Variants in GALM observed in about 807,000 individuals in gnomAD.
GALM encodes aldose 1-epimerase.
GALM carries 43 observed loss-of-function variants against 37.4 expected under a neutral mutation model. The ratio of observed to expected loss-of-function variants is 1.15; its 90% CI spans 0.90 to 1.48. GALM has a LOEUF of 1.48. GALM is among the 40% of genes most tolerant of loss of function. GALM has a pLI of 0.00. For missense variants in GALM, 456 were observed against 419.1 expected (o/e 1.09, Z -0.77); for synonymous variants, 199 against 170.6 (o/e 1.17, Z -1.30).
chr2:38,705,990 G>A (rs1262257424), intron 4 of GALM, among the ~76,000 whole-genome samples: 1 of 152,000 alleles, frequency 6.6e-6, no homozygotes, highest in Non-Finnish European at 1.5e-5. Context: ...AGGGATTACA[G>A]GCGTGCACCA....
intron 2 of GALM, 65 bp from the exon 3 acceptor site, chr2:38,681,215 A>G (rs757456434): frequency 2.5e-6 from 3 of 1,206,672 alleles, no homozygotes; most frequent in Non-Finnish European, 3.7e-6. Flanking sequence ...GTCTTTAAAT[A>G]TTGAAATATG....
chr2:38,684,274 G>A (rs1665471586), intron 3 of GALM, among the ~76,000 whole-genome samples: 1 of 152,162 alleles, frequency 6.6e-6, no homozygotes, highest in Non-Finnish European at 1.5e-5. Flanking sequence ...CTTTGTCAAA[G>A]AATATAAAAG....
At chr2:38,692,307 A>C (rs138720975) in intron 4 of GALM, among the ~76,000 whole-genome samples, 1 of 152,332 alleles carries the variant, frequency 6.6e-6, no homozygotes, top group East Asian at 1.9e-4. Context: ...ACTTCCTCCA[A>C]AAATGGGTGG....
chr2:38,686,410 C>A (rs370571777), intron 3 of GALM, among the ~76,000 whole-genome samples: 2 of 151,712 alleles, frequency 1.3e-5, no homozygotes, highest in African/African-American at 2.4e-5. Flanking sequence ...GGACTACAGG[C>A]GCCCACCACC....
At position 38,714,018 on chromosome 2, in the gene GALM, TA is replaced by T. The variant is rs549158028; in HGVS notation, c.635-15528del. Among the ~76,000 whole-genome samples, 336 of 149,388 alleles carry T rather than the reference TA, an allele frequency of 2.2e-3. 1 individual carries two copies. The highest frequency in any genetic ancestry group is 7.1e-3 in the African/African-American group (288 of 40,824). Reference sequence around the variant, plus strand: ...TACCTTATTGGTTGTGACAACTAAATAAAAAAAAAATACATATAAAGTGCTT... The same window carrying T: ...TACCTTATTGGTTGTGACAACTAAATAAAAAAAAATACATATAAAGTGCTT... On this transcript the variant is annotated intron_variant, in intron 4 of 6. Coordinates refer to ENST00000272252, the MANE Select transcript of GALM (RefSeq NM_138801.3).
intron 4 of GALM, among the ~76,000 whole-genome samples, chr2:38,712,687 A>G (rs532882044): frequency 4.4e-4 from 67 of 152,266 alleles, no homozygotes; most frequent in Admixed American, 3.7e-3. Flanking sequence ...GAAAGCCTCT[A>G]TGTTCCCACT....
intron 4 of GALM, among the ~76,000 whole-genome samples, chr2:38,717,758 G>A (rs1666298992): frequency 1.3e-5 from 2 of 149,956 alleles, no homozygotes; most frequent in African/African-American, 2.5e-5. Context: ...AAATACCCAA[G>A]ATCAGTGAGT....
At chr2:38,722,030 T>TTCCCCC (rs1666385953) in intron 4 of GALM, among the ~76,000 whole-genome samples, 5 of 41,386 alleles carry the variant, frequency 1.2e-4, no homozygotes, top group Non-Finnish European at 2.1e-4. Context: ...TGCCTTCCCT[T>TTCCCCC]CCCCCCCCCA....
At chr2:38,667,113 T>C (rs999128220) in intron 1 of GALM, among the ~76,000 whole-genome samples, 9 of 152,150 alleles carry the variant, frequency 5.9e-5, no homozygotes, top group African/African-American at 2.2e-4. Flanking sequence ...AGAATGACAA[T>C]TGCAGCTTGA....
intron 1 of GALM, among the ~76,000 whole-genome samples, chr2:38,673,020 C>G (rs999942965): frequency 6.6e-6 from 1 of 152,032 alleles, no homozygotes; most frequent in East Asian, 1.9e-4. Flanking sequence ...AAAAAAAACA[C>G]AACACTCAGT....
chr2:38,698,289 C>T (rs562550036), intron 4 of GALM: 17 of 618,866 alleles, frequency 2.7e-5, no homozygotes, highest in South Asian at 8.2e-5. Flanking sequence ...GATGAAATTC[C>T]GGCACTTAGG....
In GALM at chr2:38,689,809, C is replaced by T; in HGVS notation, c.553-4C>T. 6.3e-7 allele frequency: 1 copy of T among 1,580,706 alleles called. No individual in the cohort carries two copies. The highest frequency in any genetic ancestry group is 8.7e-7 in the Non-Finnish European group (1 of 1,155,452). ...AAAACCTTTCCCCTACCTTTTCCTC[C>T]CAGGCTTCCCCAAATATAAATGACC... On this transcript the variant is annotated splice_polypyrimidine_tract_variant and splice_region_variant and intron_variant, in intron 3 of 6. Coordinates refer to ENST00000272252, the MANE Select transcript of GALM (RefSeq NM_138801.3).
chr2:38,690,783 T>A (rs966751953), intron 4 of GALM, among the ~76,000 whole-genome samples: 29 of 152,146 alleles, frequency 1.9e-4, no homozygotes, highest in Non-Finnish European at 1.5e-4. Flanking sequence ...TCAAACTTTT[T>A]ATGAGGAAGA....
intron 2 of GALM, chr2:38,680,169 C>A (rs1468236998): frequency 8.0e-6 from 3 of 373,724 alleles, no homozygotes; most frequent in Admixed American, 3.6e-5. Flanking sequence ...CAGGTATGCA[C>A]CACCATACCT....
chr2:38,666,264 T>G lies in GALM; in HGVS notation c.103T>G (p.Ser35Ala), dbSNP rs1664929093. 3.1e-6 allele frequency: 5 copies of G among 1,613,918 alleles called. No homozygotes were observed. Among genetic ancestry groups the G allele is most frequent in the African/African-American group, 2.7e-5 (2 of 75,028 alleles). Residue 35 changes from serine to alanine, a missense_variant, in exon 1 of 7, where the codon TCC becomes GCC. Physicochemically the swap from Ser to Ala is moderately conservative, Grantham distance 99. Coordinates refer to ENST00000272252, the MANE Select transcript of GALM (RefSeq NM_138801.3). ...QSDLLRVDII[S>A]WGCTITALEV... ...AGACCTCTTGAGAGTGGACATCATCTCCTGGGGCTGCACGATCACAGCCCT... is the reference window on the plus strand; with the variant it reads ...AGACCTCTTGAGAGTGGACATCATCGCCTGGGGCTGCACGATCACAGCCCT...
chr2:38,672,450 G>T (rs1231110735), intron 1 of GALM, among the ~76,000 whole-genome samples: 1 of 152,178 alleles, frequency 6.6e-6, no homozygotes, highest in African/African-American at 2.4e-5. Context: ...AGAAGGTGGG[G>T]AGAGGTGGGA....
Position 38,731,881 on chromosome 2 carries a change from C to A in GALM, c.923C>A (p.Thr308Asn), listed in dbSNP as rs751290479. Residue 308 changes from threonine to asparagine, a missense_variant, in exon 6 of 7, where the codon ACT (threonine) becomes AAT (asparagine). Physicochemically the swap from Thr to Asn is moderately conservative, Grantham distance 65. Transcript: ENST00000272252. ...AAGCACTCCGGTTTCTGCCTGGAGA[C>A]TCAGAACTGGCCTGATGCAGTCAAT... Reference protein sequence around the residue: ...YPKHSGFCLETQNWPDAVNQP... With the variant: ...YPKHSGFCLENQNWPDAVNQP... 6 of 1,614,064 alleles carry A rather than the reference C, an allele frequency of 3.7e-6. No individual in the cohort carries two copies. The highest frequency in any genetic ancestry group is 5.1e-6 in the Non-Finnish European group (6 of 1,180,010).
Position 38,666,188 on chromosome 2 carries a change from T to A in GALM, c.27T>A (p.Phe9Leu). The A allele has an allele frequency of 1.2e-6, 2 of 1,613,512 alleles. No individual in the cohort carries two copies. Among genetic ancestry groups the A allele is most frequent in the Non-Finnish European group, 1.7e-6 (2 of 1,179,672 alleles). The change falls in exon 1 of 7, where the codon TTT (phenylalanine) becomes TTA (leucine). Residue 9 changes from phenylalanine to leucine, a missense_variant. Transcript: ENST00000272252. ...TGGCTTCGGTGACCAGGGCCGTGTT[T>A]GGAGAGCTGCCCTCGGGAGGAGGGA... The part of the protein sequence containing the change: MASVTRAV[F>L]GELPSGGGTV...
At chr2:38,725,531 C>T (rs3112141) in intron 4 of GALM, among the ~76,000 whole-genome samples, 2,915 of 145,128 alleles carry the variant, frequency 0.02, 39 homozygotes, top group Non-Finnish European at 0.027. Flanking sequence ...ACGAGACCCT[C>T]GCTCTTAAAC....
Sources: allele counts gnomAD v4.1 joint callset (sites outside exome capture counted in the v4.1 genomes callset), GRCh38; gene constraint gnomAD v4.1.1; transcripts MANE v1.5; gene names NCBI Gene and HGNC (gene_info 2026-07-23, HGNC 2026-07-21).